EMC2: variants seen among roughly 807,000 people sequenced by gnomAD.
The protein encoded by EMC2 is ER membrane protein complex subunit 2.
Under a neutral mutation model 51.6 loss-of-function variants are expected in EMC2, and 37 were observed. The ratio of observed to expected loss-of-function variants is 0.72; its 90% CI spans 0.55 to 0.94. The LOEUF (loss-of-function observed/expected upper bound fraction) is 0.94, where lower values mean the gene tolerates loss of function less well. Among genes scored for constraint, EMC2 ranks in the 40% least tolerant of loss-of-function variants. The pLI is 0.00. For missense variants in EMC2, 359 were observed against 350.9 expected, an observed-to-expected ratio of 1.02 and a Z score of -0.18; for synonymous variants, 131 against 112.4, an observed-to-expected ratio of 1.17 and a Z score of -1.04.
rs748449647 is a variant in EMC2, at chr8:108,489,154, A to G, written c.*2556A>G. Among the ~76,000 whole-genome samples the G allele has an allele frequency of 6.6e-5, 10 of 152,164 alleles. No homozygotes were observed. Among genetic ancestry groups the G allele is most frequent in the Non-Finnish European group, 1.2e-4 (8 of 68,028 alleles). ...AGATGAGCAATTGCCAAACTCCCCA[A>G]TTATTAAATGAGAAAAAATAAACTC... On this transcript the variant is annotated 3_prime_UTR_variant, in exon 11 of 11. Coordinates refer to ENST00000220853, the MANE Select transcript of EMC2 (RefSeq NM_014673.5).
intron 1 of EMC2, among the ~76,000 whole-genome samples, chr8:108,446,922 A>G (rs1357187657): frequency 6.6e-6 from 1 of 152,052 alleles, no homozygotes; most frequent in African/African-American, 2.4e-5. Flanking sequence ...TTTGTAAGTT[A>G]TATTTTCATA....
At chr8:108,456,016 C>T (rs1819146321) in intron 5 of EMC2, 86 bp downstream of exon 5, 2 of 449,146 alleles carry the variant, frequency 4.5e-6, no homozygotes, top group Non-Finnish European at 7.9e-6. Context: ...ACATAAGGAA[C>T]TAGGTCTTAT....
At chr8:108,481,745 C>T (rs1380045532) in intron 10 of EMC2, among the ~76,000 whole-genome samples, 1 of 152,034 alleles carries the variant, frequency 6.6e-6, no homozygotes, top group Non-Finnish European at 1.5e-5. Flanking sequence ...CTTAATTTCT[C>T]CTTTTGTATT....
chr8:108,463,256 A>G (rs1819374614), intron 5 of EMC2, among the ~76,000 whole-genome samples: 1 of 152,202 alleles, frequency 6.6e-6, no homozygotes, highest in Non-Finnish European at 1.5e-5. Flanking sequence ...TTTGAAGGAG[A>G]TGAGAAAAGT....
chr8:108,485,264 T>C (rs1451692630), intron 10 of EMC2, among the ~76,000 whole-genome samples: 1 of 151,508 alleles, frequency 6.6e-6, no homozygotes, highest in African/African-American at 2.4e-5. Context: ...AATCAAGTAC[T>C]AAGTGCTTAA....
intron 5 of EMC2, 173 bp downstream of exon 5, chr8:108,456,103 T>C: frequency 4.7e-6 from 1 of 212,580 alleles, no homozygotes; most frequent in Non-Finnish European, 9.5e-6. Flanking sequence ...TTATTTTAAA[T>C]AGATTTAAGA....
At chr8:108,449,181 A>T (rs1392721269) in intron 1 of EMC2, among the ~76,000 whole-genome samples, 2 of 151,856 alleles carry the variant, frequency 1.3e-5, no homozygotes, top group African/African-American at 4.8e-5. Flanking sequence ...TGGTGCAATC[A>T]CAGGTCACTG....
chr8:108,460,715 C>CT (rs1819299020), intron 5 of EMC2, among the ~76,000 whole-genome samples: 1 of 152,166 alleles, frequency 6.6e-6, no homozygotes, highest in South Asian at 2.1e-4. Flanking sequence ...TTGAAAATAT[C>CT]TGAGATGTGA....
intron 7 of EMC2, chr8:108,470,787 T>A (rs778909464): frequency 6.6e-6 from 1 of 152,134 alleles, no homozygotes; most frequent in Non-Finnish European, 1.5e-5. Context: ...GCGTGTTTTT[T>A]ATTTTTTTTC....
At chr8:108,479,292 G>A (rs1299850726) in intron 10 of EMC2, among the ~76,000 whole-genome samples, 182 bp downstream of exon 10, 2 of 151,910 alleles carry the variant, frequency 1.3e-5, no homozygotes, top group East Asian at 3.9e-4. Flanking sequence ...CCCTCAAGAG[G>A]AATCTGTTAG....
chr8:108,481,332 T>C (rs1811041233), intron 10 of EMC2, among the ~76,000 whole-genome samples: 1 of 152,086 alleles, frequency 6.6e-6, no homozygotes, highest in Non-Finnish European at 1.5e-5. Context: ...TGTTGGCATA[T>C]TCTAAGTCAG....
rs28520267 is a variant in EMC2 at position 108,486,150 on chromosome 8, C to T, written c.808-362C>T. On this transcript the variant is annotated intron_variant, in intron 10 of 10. Coordinates refer to ENST00000220853, the MANE Select transcript of EMC2 (RefSeq NM_014673.5). ...ATCAGACAAGTGGAAGTGGTTCACA[C>T]TGCTACACTACATAAATATAAGCTA... 9.0e-3 allele frequency among the ~76,000 whole-genome samples: 1,370 copies of T among 152,030 alleles called. 27 individuals carry two copies. The highest frequency in any genetic ancestry group is 0.031 in the African/African-American group (1,291 of 41,548).
At chr8:108,448,339 C>G (rs190255307) in intron 1 of EMC2, among the ~76,000 whole-genome samples, 1 of 152,268 alleles carries the variant, frequency 6.6e-6, no homozygotes, top group East Asian at 1.9e-4. Context: ...TTCCAGTATA[C>G]TATACGTCCT....
At chr8:108,457,849 A>C (rs1423338293) in intron 5 of EMC2, among the ~76,000 whole-genome samples, 2 of 152,192 alleles carry the variant, frequency 1.3e-5, no homozygotes, top group African/African-American at 4.8e-5. Context: ...ACAGTCTCCG[A>C]AAGTCTTAAC....
chr8:108,451,369 A>G (rs893100406), intron 3 of EMC2, among the ~76,000 whole-genome samples: 2 of 151,680 alleles, frequency 1.3e-5, no homozygotes, highest in Admixed American at 1.3e-4. Flanking sequence ...GTTTGATGTT[A>G]TTATTATATT....
rs1818971404 is a variant in EMC2 at position 108,449,796 on chromosome 8, A to G, written c.41-27A>G. 3.7e-6 allele frequency: 4 copies of G among 1,070,644 alleles called. No individual in the cohort carries two copies. In the South Asian group the frequency reaches 5.1e-5, roughly 14 times the overall value. The allele number at this position is 1,070,644 out of a possible 1,614,324, so 66.3% of individuals were successfully genotyped here. A position where few individuals can be genotyped will look rare whatever the true frequency, so the allele number is the denominator to read the frequency against. On this transcript the variant is annotated intron_variant, in intron 1 of 10. Transcript: ENST00000220853. The stretch of plus-strand genomic sequence containing the variant: ...TATGTGTGTGTCTGGGTACATATAC[A>G]CTTAAATGTCATGTTATTTTTTTCA...
chr8:108,450,033 C>A, intron 2 of EMC2, 97 bp downstream of exon 2: 1 of 505,676 alleles, frequency 2.0e-6, no homozygotes. Context: ...TTCTACTTGT[C>A]ATATTAATTT....
chr8:108,459,866 A>G (rs1422003441), intron 5 of EMC2, among the ~76,000 whole-genome samples: 1 of 152,148 alleles, frequency 6.6e-6, no homozygotes, highest in East Asian at 1.9e-4. Context: ...AATAAAAAAT[A>G]AAAATAAGAA....
At chr8:108,452,531 C>A (rs1031749472) in intron 3 of EMC2, among the ~76,000 whole-genome samples, 2 of 152,016 alleles carry the variant, frequency 1.3e-5, no homozygotes, top group African/African-American at 4.8e-5. Flanking sequence ...CGTGCCACTG[C>A]ATTCTAACCT....
Sources: gnomAD v4.1 joint callset for allele counts (sites outside exome capture counted in the v4.1 genomes callset) on GRCh38, gnomAD v4.1.1 for gene constraint, MANE v1.5 for transcripts, NCBI Gene and HGNC (gene_info 2026-07-23, HGNC 2026-07-21) for gene names.